The following PEX5 variants were observed in gnomAD, a reference collection of about 807,000 sequenced individuals.
PEX5 encodes the protein peroxisomal biogenesis factor 5.
Under a neutral mutation model 82.9 loss-of-function variants are expected in PEX5, and 52 were observed. That is an observed-to-expected ratio of 0.63 (90% CI 0.50 to 0.79). PEX5 has a LOEUF of 0.79. PEX5 is among the 30% of genes least tolerant of loss of function. The pLI is 0.00. For synonymous variants in PEX5, 300 were observed against 318.8 expected (o/e 0.94, Z 0.63); for missense variants, 719 against 815.2 (o/e 0.88, Z 1.44).
rs1401681248 is a variant in PEX5 at position 7,202,289 on chromosome 12, T to A, written c.691T>A (p.Ser231Thr). 2 of 1,613,648 alleles carry A rather than the reference T, an allele frequency of 1.2e-6. No homozygotes were observed. Among genetic ancestry groups the A allele is most frequent in the Non-Finnish European group, 1.7e-6 (2 of 1,179,944 alleles). The stretch of plus-strand genomic sequence containing the variant: ...TGGCGAAGGGCAGGTGTCCCTGGAG[T>A]CCGGTGCAGGGTCGGGCCGAGCTCA... ...QIGEGQVSLE[S>T]GAGSGRAQAE... The change falls in exon 8 of 16, where the codon TCC becomes ACC. Residue 231 changes from serine to threonine, a missense_variant. Transcript: ENST00000675855.
chr12:7,190,349 CTG>C lies in PEX5; in HGVS notation c.-16-9_-16-8del. ...CTTGGGTACCTCAGTTCCAAACCTCCTGTGTCCATCAGAGAGCTGGCGGTCAC... is the reference window on the plus strand; with the variant it reads ...CTTGGGTACCTCAGTTCCAAACCTCCTGTCCATCAGAGAGCTGGCGGTCAC... On this transcript the variant is annotated splice_polypyrimidine_tract_variant and intron_variant, in intron 1 of 15. Coordinates refer to ENST00000675855, the MANE Select transcript of PEX5 (RefSeq NM_001351132.2). 6.2e-7 allele frequency: 1 copy of C among 1,613,848 alleles called. No individual in the cohort carries two copies. Among genetic ancestry groups the C allele is most frequent in the East Asian group, 2.2e-5 (1 of 44,878 alleles).
Position 7,208,554 on chromosome 12 carries a change from C to T in PEX5, c.1279C>T (p.Arg427Ter), listed in dbSNP as rs61752137. The change falls in exon 13 of 16, where the codon CGA becomes TGA. Residue 427 changes from arginine to a stop codon, truncating the protein, a stop_gained. Transcript: ENST00000675855. LOFTEE classifies it high-confidence loss of function. The part of the protein sequence containing the change: ...SLQRQACETL[R>*]DWLRYTPAYA... The stretch of plus-strand genomic sequence containing the variant: ...GCAGCGACAGGCCTGTGAAACCCTA[C>T]GAGACTGGCTGCGGTACACACCAGC... The T allele has an allele frequency of 1.4e-5, 22 of 1,613,940 alleles. No homozygotes were observed. The highest frequency in any genetic ancestry group is 4.0e-5 in the African/African-American group (3 of 74,906).
chr12:7,217,153 G>A (rs748521517), intron 17 of PEX5, among the ~76,000 whole-genome samples: 1 of 152,164 alleles, frequency 6.6e-6, no homozygotes, highest in African/African-American at 2.4e-5. Context: ...GGCAAATTAA[G>A]GTGGTGACAA....
At position 7,197,548 on chromosome 12, in the gene PEX5, T is replaced by TTA. The variant is rs1261803756; in HGVS notation, c.449-1456_449-1455dup. Among the ~76,000 whole-genome samples the TTA allele has an allele frequency of 1.4e-3, 182 of 133,178 alleles. 4 individuals carry two copies. Among genetic ancestry groups the TTA allele is most frequent in the African/African-American group, 4.6e-3 (174 of 37,830 alleles). 87.4% of individuals were successfully genotyped at this position (133,178 alleles called of 152,430 possible). On this transcript the variant is annotated intron_variant, in intron 5 of 15. Coordinates refer to ENST00000675855, the MANE Select transcript of PEX5 (RefSeq NM_001351132.2). The stretch of plus-strand genomic sequence containing the variant: ...GTTATATATAATGTAATTATATATG[T>TTA]TATATATAATATAATAAGTAGTAAT...
chr12:7,204,767 G>A (rs753435857), intron 10 of PEX5, among the ~76,000 whole-genome samples: 1 of 152,140 alleles, frequency 6.6e-6, no homozygotes, highest in African/African-American at 2.4e-5. Flanking sequence ...TGTATGAGCA[G>A]CATTTTCTTT....
intron 17 of PEX5, among the ~76,000 whole-genome samples, chr12:7,218,096 G>A (rs1565734504): frequency 6.6e-6 from 1 of 152,140 alleles, no homozygotes; most frequent in Admixed American, 6.5e-5. Flanking sequence ...CTCTTGATGG[G>A]GAGATGGAGA....
chr12:7,201,401 A>G (rs1389672046), intron 6 of PEX5, among the ~76,000 whole-genome samples: 1 of 152,160 alleles, frequency 6.6e-6, no homozygotes, highest in Non-Finnish European at 1.5e-5. Context: ...ATATATGTAT[A>G]TAGGTAAATA....
At chr12:7,198,864 T>C in intron 5 of PEX5, 147 bp from the exon 6 acceptor site, 1 of 600,726 alleles carries the variant, frequency 1.7e-6, no homozygotes, top group East Asian at 3.2e-5. Flanking sequence ...TATATTCTTT[T>C]GACCAGGGGT....
downstream of PEX5, among the ~76,000 whole-genome samples, chr12:7,215,511 C>T (rs1945752337): frequency 6.6e-6 from 1 of 152,158 alleles, no homozygotes; most frequent in South Asian, 2.1e-4. Context: ...CAATGGTGGA[C>T]TGGATAAAGC....
At chr12:7,190,245 G>C in intron 1 of PEX5, 117 bp from the exon 2 acceptor site, 1 of 1,590,902 alleles carries the variant, frequency 6.3e-7, no homozygotes, top group Non-Finnish European at 8.5e-7. Flanking sequence ...GCACTGGGGT[G>C]GAGGGCGGCC....
At chr12:7,192,967 A>G (rs1941427848) in intron 5 of PEX5, among the ~76,000 whole-genome samples, 1 of 152,232 alleles carries the variant, frequency 6.6e-6, no homozygotes, top group Non-Finnish European at 1.5e-5. Context: ...CTTTAATAAG[A>G]TCTGTGGGTC....
intron 14 of PEX5, among the ~76,000 whole-genome samples, 162 bp downstream of exon 14, chr12:7,209,332 C>T (rs1945227632): frequency 6.6e-6 from 1 of 152,068 alleles, no homozygotes; most frequent in Non-Finnish European, 1.5e-5. Flanking sequence ...CCAGCCTGGG[C>T]AACATAGCAA....
At position 7,191,549 on chromosome 12, in the gene PEX5, TTC is replaced by T. The variant is rs745564890; in HGVS notation, c.317-8_317-7del. Reference sequence around the variant, plus strand: ...GGTATGTATGTATTCTTTCTTAGTTTTCTCTCTCTCTCTTTTAAGCCCCTGGT... The same window carrying T: ...GGTATGTATGTATTCTTTCTTAGTTTTCTCTCTCTCTTTTAAGCCCCTGGT... On this transcript the variant is annotated intron_variant, in intron 4 of 15. Coordinates refer to ENST00000675855, the MANE Select transcript of PEX5 (RefSeq NM_001351132.2). 34 of 1,611,538 alleles carry T rather than the reference TTC, an allele frequency of 2.1e-5. No individual in the cohort carries two copies. Among genetic ancestry groups the T allele is most frequent in the East Asian group, 4.5e-5 (2 of 44,880 alleles).
chr12:7,208,759 G>A, intron 13 of PEX5, 90 bp downstream of exon 13: 1 of 1,119,522 alleles, frequency 8.9e-7, no homozygotes. Flanking sequence ...TGGATGGATT[G>A]AGACTGAAGG....
chr12:7,215,576 TCA>T (rs1945754282), downstream of PEX5, among the ~76,000 whole-genome samples: 1 of 152,154 alleles, frequency 6.6e-6, no homozygotes. Context: ...AAGAACAAAA[TCA>T]CGACCTTCGC....
intron 10 of PEX5, among the ~76,000 whole-genome samples, chr12:7,206,222 G>A (rs1030422940): frequency 1.3e-5 from 2 of 152,222 alleles, no homozygotes; most frequent in Middle Eastern, 3.2e-3. Context: ...ACTAGCTGAG[G>A]ATGGTTTTAA....
intron 10 of PEX5, among the ~76,000 whole-genome samples, chr12:7,204,960 A>G (rs2136193830): frequency 6.6e-6 from 1 of 152,288 alleles, no homozygotes; most frequent in South Asian, 2.1e-4. Context: ...TATTGGAGAA[A>G]CTGCATATCC....
At chr12:7,216,813 A>G (rs1591822824) in intron 17 of PEX5, among the ~76,000 whole-genome samples, 2 of 152,214 alleles carry the variant, frequency 1.3e-5, no homozygotes, top group East Asian at 3.8e-4. Flanking sequence ...TTTTCTTGTA[A>G]CACAGCAGGG....
At chr12:7,190,821 A>G in intron 2 of PEX5, 67 bp from the exon 3 acceptor site, 3 of 1,464,810 alleles carry the variant, frequency 2.0e-6, no homozygotes, top group Non-Finnish European at 9.6e-7. Context: ...TCAGATGCCT[A>G]TGGGCTTCAT....
Sources: gnomAD v4.1 joint callset for allele counts (sites outside exome capture counted in the v4.1 genomes callset) on GRCh38, gnomAD v4.1.1 for gene constraint, MANE v1.5 for transcripts, NCBI Gene and HGNC (gene_info 2026-07-23, HGNC 2026-07-21) for gene names.